The following SLC17A1 variants were observed in gnomAD, a reference collection of about 807,000 sequenced individuals.
SLC17A1 encodes the protein sodium-dependent phosphate transport protein 1.
In SLC17A1, 51 loss-of-function variants were observed where a neutral mutation model predicts 53.5. That is an observed-to-expected ratio of 0.95 (90% CI 0.76 to 1.20). SLC17A1 has a LOEUF of 1.20. Ranked by LOEUF, SLC17A1 falls within the 50% of genes most tolerant of loss-of-function variation. The pLI is 0.00. For synonymous variants in SLC17A1, 179 were observed against 198.8 expected (o/e 0.90, Z 0.84); for missense variants, 538 against 568.2 (o/e 0.95, Z 0.54).
At chr6:25,726,803 C>G in the SLC17A1 span, 21 of 1,363,068 alleles carry the variant, frequency 1.5e-5, no homozygotes, top group East Asian at 1.4e-4. Flanking sequence ...AGACTTGGAG[C>G]TGAGGTCATT....
chr6:25,804,918 C>A (rs1425940796), intron 10 of SLC17A1, among the ~76,000 whole-genome samples: 1 of 152,034 alleles, frequency 6.6e-6, no homozygotes, highest in Non-Finnish European at 1.5e-5. Context: ...ATGAGATAGA[C>A]AGCAACACAA....
the SLC17A1 span, chr6:25,726,397 A>G: frequency 3.7e-6 from 6 of 1,614,158 alleles, no homozygotes; most frequent in Non-Finnish European, 5.1e-6. Context: ...GCCTGCCCCT[A>G]TCCGCTCTGC....
At chr6:25,796,403 C>T (rs1425588934) in intron 12 of SLC17A1, among the ~76,000 whole-genome samples, 8 of 151,840 alleles carry the variant, frequency 5.3e-5, no homozygotes, top group Admixed American at 3.9e-4. Context: ...AATACTAGAT[C>T]GATTTAATAC....
intron 11 of SLC17A1, among the ~76,000 whole-genome samples, chr6:25,799,486 A>G (rs1008920123): frequency 1.3e-5 from 2 of 152,078 alleles, no homozygotes; most frequent in Middle Eastern, 6.8e-3. Context: ...TGTTCTTCAG[A>G]TGTATGCTCG....
At chr6:25,742,479 A>G in the SLC17A1 span, among the ~76,000 whole-genome samples, 1 of 142,822 alleles carries the variant, frequency 7.0e-6, no homozygotes, top group South Asian at 2.3e-4. Context: ...ACATATTGAA[A>G]TGCTGTTTTA....
At chr6:25,812,707 G>C (rs1764199505) in intron 8 of SLC17A1, 124 bp downstream of exon 8, 1 of 668,048 alleles carries the variant, frequency 1.5e-6, no homozygotes, top group Non-Finnish European at 2.5e-6. Flanking sequence ...TTAGTTTCCA[G>C]GTGAAGAGCA....
chr6:25,752,036 T>C, the SLC17A1 span, among the ~76,000 whole-genome samples: 1 of 152,206 alleles, frequency 6.6e-6, no homozygotes, highest in Admixed American at 6.5e-5. Flanking sequence ...CAATTAATAA[T>C]GCTGGCCACA....
the SLC17A1 span, among the ~76,000 whole-genome samples, chr6:25,759,051 T>C: frequency 3.3e-5 from 5 of 152,240 alleles, no homozygotes; most frequent in African/African-American, 1.2e-4. Context: ...ATTTCATTGT[T>C]GAGCCAATGA....
rs775227137 is a variant in SLC17A1, at chr6:25,812,875, T to C, written c.853A>G (p.Thr285Ala). 17 of 1,612,488 alleles carry C rather than the reference T, an allele frequency of 1.1e-5. No individual in the cohort carries two copies. Among genetic ancestry groups the C allele is most frequent in the Non-Finnish European group, 1.4e-5 (17 of 1,178,828 alleles). The change falls in exon 8 of 13, where the codon ACT becomes GCT. Residue 285 changes from threonine to alanine, a missense_variant. Physicochemically the swap from Thr to Ala is moderately conservative, Grantham distance 58 (BLOSUM62 0). Coordinates refer to ENST00000244527, the MANE Select transcript of SLC17A1 (RefSeq NM_005074.5). ...FWSHNIMTLY[T>A]PMFINSMLHV... ...AGCATGGAGTTGATAAACATTGGAG[T>C]GTATAGTGTCATGATGTTATGTGAC...
At chr6:25,803,124 T>C (rs1763837841) in intron 10 of SLC17A1, among the ~76,000 whole-genome samples, 1 of 151,732 alleles carries the variant, frequency 6.6e-6, no homozygotes, top group African/African-American at 2.4e-5. Context: ...TTTTTTGTAT[T>C]TTTAGTAGAG....
chr6:25,726,998 G>C, the SLC17A1 span: 3 of 1,614,212 alleles, frequency 1.9e-6, no homozygotes, highest in East Asian at 4.5e-5. Flanking sequence ...AAGGCAAAAA[G>C]CGCAAGAGGA....
the SLC17A1 span, among the ~76,000 whole-genome samples, chr6:25,728,123 T>C: frequency 6.6e-6 from 1 of 152,148 alleles, no homozygotes; most frequent in Non-Finnish European, 1.5e-5. Flanking sequence ...ACATAGACAG[T>C]ATAACTTGCA....
At chr6:25,769,119 G>A in the SLC17A1 span, 1 of 1,614,032 alleles carries the variant, frequency 6.2e-7, no homozygotes, top group Non-Finnish European at 8.5e-7. Flanking sequence ...CCAGCCCAAT[G>A]CTTCCACAGA....
chr6:25,829,576 G>C (rs1188122628), intron 2 of SLC17A1, among the ~76,000 whole-genome samples: 6 of 151,980 alleles, frequency 3.9e-5, no homozygotes. Flanking sequence ...GTCATTTAGG[G>C]GTATGCTTTT....
downstream of SLC17A1, chr6:25,778,919 G>T: frequency 9.0e-7 from 1 of 1,111,880 alleles, no homozygotes; most frequent in East Asian, 2.4e-5. Flanking sequence ...GAGTATTCTA[G>T]GACCAACTGG....
the SLC17A1 span, among the ~76,000 whole-genome samples, chr6:25,757,132 T>C: frequency 6.6e-6 from 1 of 152,190 alleles, no homozygotes; most frequent in Admixed American, 6.5e-5. Context: ...GGTTCCATGG[T>C]CTAACATCTG....
chr6:25,792,303 A>AT (rs1316828553), intron 12 of SLC17A1, among the ~76,000 whole-genome samples: 2 of 152,144 alleles, frequency 1.3e-5, no homozygotes, highest in East Asian at 1.9e-4. Context: ...ACGTGTTTCC[A>AT]TTTTTTATTT....
the SLC17A1 span, among the ~76,000 whole-genome samples, chr6:25,730,443 A>T: frequency 5.3e-5 from 8 of 152,118 alleles, no homozygotes; most frequent in Non-Finnish European, 5.9e-5. Context: ...AAGTGGAATT[A>T]AAAAAAAGTT....
the SLC17A1 span, chr6:25,770,118 C>T: frequency 6.2e-7 from 1 of 1,614,122 alleles, no homozygotes; most frequent in South Asian, 1.1e-5. Flanking sequence ...CCTCAGCTCC[C>T]TCAACTATGG....
Sources: gnomAD v4.1 joint callset for allele counts (sites outside exome capture counted in the v4.1 genomes callset) on GRCh38, gnomAD v4.1.1 for gene constraint, MANE v1.5 for transcripts, NCBI Gene and HGNC (gene_info 2026-07-23, HGNC 2026-07-21) for gene names.